The following EVI5 variants were observed in gnomAD, a reference collection of about 807,000 sequenced individuals.
EVI5 encodes the protein ecotropic viral integration site 5 protein homolog.
In EVI5, 73 loss-of-function variants were observed where a neutral mutation model predicts 112.0. That is an observed-to-expected ratio of 0.65 (90% CI 0.54 to 0.79). EVI5 has a LOEUF of 0.79. EVI5 is among the 30% of genes least tolerant of loss of function. The pLI, the probability that EVI5 is intolerant of heterozygous loss-of-function variation, is 0.00. For synonymous variants in EVI5, 305 were observed against 319.9 expected (o/e 0.95, Z 0.50); for missense variants, 900 against 968.8 (o/e 0.93, Z 0.94).
chr1:92,750,902 G>C (rs2102922154), intron 1 of EVI5, among the ~76,000 whole-genome samples: 1 of 152,296 alleles, frequency 6.6e-6, no homozygotes, highest in Admixed American at 6.5e-5. Context: ...TGTAATCCCA[G>C]CACTTTGGGA....
rs1558171748 is a variant in EVI5, at chr1:92,735,720, T to TA, written c.149+677dup. Among the ~76,000 whole-genome samples the TA allele has an allele frequency of 2.2e-4, 31 of 142,342 alleles. No homozygotes were observed. In the South Asian group the frequency reaches 3.6e-3, roughly 17 times the overall value. The allele number at this position is 142,342 out of a possible 152,430, so 93.4% of individuals were successfully genotyped here. ...GATTGAAATATACAATATTATATTATATATAATATAATATAATATAATCAT... is the reference window on the plus strand; with the variant it reads ...GATTGAAATATACAATATTATATTATAATATAATATAATATAATATAATCAT... On this transcript the variant is annotated intron_variant, in intron 2 of 19. Coordinates refer to ENST00000684568, the MANE Select transcript of EVI5 (RefSeq NM_001350197.2).
intron 14 of EVI5, among the ~76,000 whole-genome samples, chr1:92,635,925 T>C (rs1658727571): frequency 6.6e-6 from 1 of 152,212 alleles, no homozygotes. Flanking sequence ...CTGCAACATT[T>C]AGATACTCTT....
intron 19 of EVI5, among the ~76,000 whole-genome samples, chr1:92,520,635 G>C (rs1363557532): frequency 6.6e-6 from 1 of 151,976 alleles, no homozygotes; most frequent in Non-Finnish European, 1.5e-5. Flanking sequence ...TGAATCACTT[G>C]AGCCTAGGAG....
At chr1:92,562,246 T>A (rs1053561451) in intron 19 of EVI5, among the ~76,000 whole-genome samples, 1 of 152,130 alleles carries the variant, frequency 6.6e-6, no homozygotes, top group Non-Finnish European at 1.5e-5. Flanking sequence ...AATATTATAA[T>A]AGGCCAGGTG....
intron 16 of EVI5, among the ~76,000 whole-genome samples, chr1:92,608,760 A>C (rs183405925): frequency 1.1e-4 from 17 of 152,162 alleles, no homozygotes; most frequent in Non-Finnish European, 1.9e-4. Flanking sequence ...TGGGCTGTAA[A>C]CTTGATGTCA....
At chr1:92,543,882 T>A (rs1431283312) in intron 19 of EVI5, among the ~76,000 whole-genome samples, 1 of 152,180 alleles carries the variant, frequency 6.6e-6, no homozygotes, top group African/African-American at 2.4e-5. Flanking sequence ...AAACCTTCAC[T>A]TTGTAAAAAC....
chr1:92,731,368 G>T (rs755116164), intron 2 of EVI5, among the ~76,000 whole-genome samples: 20 of 152,064 alleles, frequency 1.3e-4, no homozygotes, highest in Non-Finnish European at 2.2e-4. Context: ...AACACAGAAG[G>T]TGTTGACAAT....
In EVI5 at chr1:92,509,649, A is replaced by C. The variant is rs1659067786; in HGVS notation, c.*4007T>G. The C allele has an allele frequency of 6.6e-6, 1 of 152,192 alleles. No homozygotes were observed. The highest frequency in any genetic ancestry group is 2.1e-4 in the South Asian group (1 of 4,830). 9.4% of individuals were successfully genotyped at this position (152,192 alleles called of 1,614,324 possible). On this transcript the variant is annotated 3_prime_UTR_variant, in exon 20 of 20. Transcript: ENST00000684568. Reference sequence around the variant, plus strand: ...CAGCCTCTTGAGTAGGTGGGACTATAGGAGTGTGCCAATTTCTAAAAAGGC... The same window carrying C: ...CAGCCTCTTGAGTAGGTGGGACTATCGGAGTGTGCCAATTTCTAAAAAGGC...
At chr1:92,651,181 A>C (rs1662015037) in intron 13 of EVI5, among the ~76,000 whole-genome samples, 1 of 152,244 alleles carries the variant, frequency 6.6e-6, no homozygotes, top group South Asian at 2.1e-4. Flanking sequence ...TTTGCACATT[A>C]GTTTTCAAAT....
chr1:92,684,315 G>A (rs781591470), intron 9 of EVI5, among the ~76,000 whole-genome samples: 14 of 152,166 alleles, frequency 9.2e-5, no homozygotes, highest in African/African-American at 1.4e-4. Context: ...CTTCAGAAGT[G>A]AAGGAGAAAT....
intron 14 of EVI5, among the ~76,000 whole-genome samples, chr1:92,632,331 A>G (rs918498034): frequency 6.6e-6 from 1 of 152,054 alleles, no homozygotes; most frequent in Non-Finnish European, 1.5e-5. Flanking sequence ...TTGGTTGGTA[A>G]GCTATTAATT....
chr1:92,549,052 C>G (rs1666312491), intron 19 of EVI5, among the ~76,000 whole-genome samples: 4 of 151,680 alleles, frequency 2.6e-5, no homozygotes, highest in African/African-American at 9.7e-5. Flanking sequence ...CAATCCTAAG[C>G]CAAAAGAACA....
At chr1:92,563,943 A>C (rs1050488238) in intron 18 of EVI5, among the ~76,000 whole-genome samples, 3 of 152,224 alleles carry the variant, frequency 2.0e-5, no homozygotes, top group Non-Finnish European at 2.9e-5. Context: ...TTAGAAACAG[A>C]GTTTCGTTCT....
At chr1:92,520,208 T>C (rs1333656898) in intron 19 of EVI5, among the ~76,000 whole-genome samples, 1 of 152,066 alleles carries the variant, frequency 6.6e-6, no homozygotes, top group Non-Finnish European at 1.5e-5. Flanking sequence ...TTTTTTAAAG[T>C]AGAGCCAGAA....
chr1:92,537,927 A>C (rs914274281), intron 19 of EVI5, among the ~76,000 whole-genome samples: 9 of 152,142 alleles, frequency 5.9e-5, no homozygotes, highest in African/African-American at 1.4e-4. Context: ...TTCATGTAAA[A>C]CTGTATATAA....
chr1:92,608,224 T>C (rs1371706105), intron 16 of EVI5, among the ~76,000 whole-genome samples: 4 of 152,002 alleles, frequency 2.6e-5, no homozygotes, highest in Non-Finnish European at 5.9e-5. Flanking sequence ...ACTGTCAATA[T>C]TAGAGACTCT....
At chr1:92,574,221 G>A (rs1177820358) in intron 18 of EVI5, among the ~76,000 whole-genome samples, 2 of 152,132 alleles carry the variant, frequency 1.3e-5, no homozygotes, top group African/African-American at 4.8e-5. Flanking sequence ...AAGATGGAAT[G>A]TGCCCAGGAT....
At chr1:92,722,013 T>C (rs953296022) in intron 2 of EVI5, among the ~76,000 whole-genome samples, 4 of 148,988 alleles carry the variant, frequency 2.7e-5, no homozygotes, top group Non-Finnish European at 5.9e-5. Context: ...TGCTTTACTT[T>C]GTCAGTCCTG....
intron 10 of EVI5, among the ~76,000 whole-genome samples, chr1:92,676,174 T>TC (rs1666719319): frequency 2.0e-5 from 3 of 150,654 alleles, no homozygotes; most frequent in South Asian, 4.2e-4. Flanking sequence ...TAAGAGAGAG[T>TC]TAACATAAGA....
Sources: allele counts gnomAD v4.1 joint callset (sites outside exome capture counted in the v4.1 genomes callset), GRCh38; gene constraint gnomAD v4.1.1; transcripts MANE v1.5; gene names NCBI Gene and HGNC (gene_info 2026-07-23, HGNC 2026-07-21).